TRMT11: variants seen among roughly 807,000 people sequenced by gnomAD.
TRMT11 encodes tRNA methyltransferase 11.
TRMT11 carries 53 observed loss-of-function variants against 62.8 expected under a neutral mutation model. That is an observed-to-expected ratio of 0.84 (90% CI 0.68 to 1.06). The LOEUF is 1.06. Ranked by LOEUF, TRMT11 falls within the 50% of genes least tolerant of loss-of-function variation. TRMT11 has a pLI of 0.00. For missense variants in TRMT11, 556 were observed against 553.4 expected (o/e 1.00, Z -0.05); for synonymous variants, 188 against 190.3 (o/e 0.99, Z 0.10).
intron 17 of TRMT11, among the ~76,000 whole-genome samples, chr6:126,084,243 C>T (rs1263494933): frequency 6.6e-6 from 1 of 152,134 alleles, no homozygotes; most frequent in African/African-American, 2.4e-5. Flanking sequence ...TCCAAACCCT[C>T]ACCAACATTT....
In TRMT11 at chr6:126,037,394, A is replaced by G. The variant is rs530577429; in HGVS notation, c.1261-1311A>G. ...AAATAACCAGCAAATGTTACCTTTC[A>G]TTTGGTATCTTTAGTTGTATACCTA... On this transcript the variant is annotated intron_variant, in intron 12 of 12. Transcript: ENST00000334379. 2.0e-5 allele frequency among the ~76,000 whole-genome samples: 3 copies of G among 152,172 alleles called. No homozygotes were observed. In the South Asian group the frequency reaches 6.2e-4, roughly 32 times the overall value.
rs1382828393 is a variant in TRMT11, at chr6:125,995,984, T to A, written c.156T>A (p.Leu52=). The change falls in exon 3 of 13, where the codon CTT becomes CTA. Residue 52 remains leucine, a synonymous_variant. Coordinates refer to ENST00000334379, the MANE Select transcript of TRMT11 (RefSeq NM_001031712.3). ...ETYGKSPFWI[L]SIPSEDIARN... ...TCTTTTAGTCACCATTTTGGATTCT[T>A]AGCATTCCCTCTGAAGATATTGCAA... is the stretch of plus-strand genomic sequence containing the variant. 1.2e-6 allele frequency: 2 copies of A among 1,610,968 alleles called. No individual in the cohort carries two copies. The highest frequency in any genetic ancestry group is 8.5e-7 in the Non-Finnish European group (1 of 1,177,166).
intron 1 of TRMT11, among the ~76,000 whole-genome samples, chr6:126,193,529 C>G (rs1778629777): frequency 8.1e-6 from 1 of 123,852 alleles, no homozygotes; most frequent in African/African-American, 3.4e-5. Flanking sequence ...CACAGTCTCA[C>G]TCTGTCACCC....
In TRMT11 at chr6:125,986,540, G is replaced by T; in HGVS notation, c.-11G>T. The T allele has an allele frequency of 1.3e-6, 2 of 1,582,436 alleles. No homozygotes were observed. Among genetic ancestry groups the T allele is most frequent in the East Asian group, 2.3e-5 (1 of 43,830 alleles). On this transcript the variant is annotated 5_prime_UTR_variant, in exon 1 of 13. Coordinates refer to ENST00000334379, the MANE Select transcript of TRMT11 (RefSeq NM_001031712.3). The stretch of plus-strand genomic sequence containing the variant: ...AGCGCGGGCCGCGCAGGCGCACGGT[G>T]GGCAGCTGCAATGGCGCTGTCGTGT...
intron 1 of TRMT11, among the ~76,000 whole-genome samples, chr6:126,180,446 A>G (rs779037787): frequency 5.9e-5 from 9 of 152,168 alleles, no homozygotes; most frequent in Non-Finnish European, 1.2e-4. Flanking sequence ...TTTAGCAAGG[A>G]TGTGTAGTTT....
At chr6:126,069,245 A>G (rs1776777677) in intron 17 of TRMT11, among the ~76,000 whole-genome samples, 2 of 152,230 alleles carry the variant, frequency 1.3e-5, no homozygotes, top group South Asian at 2.1e-4. Flanking sequence ...GCAGTAGACC[A>G]ATGGCTTTGG....
intron 5 of TRMT11, 40 bp downstream of exon 5, chr6:125,998,355 T>G (rs777931999): frequency 2.2e-6 from 3 of 1,385,306 alleles, no homozygotes; most frequent in Non-Finnish European, 3.0e-6. Context: ...ACATGATGAA[T>G]GCAGTCTGGC....
At chr6:126,065,186 A>G (rs967938448) in intron 17 of TRMT11, among the ~76,000 whole-genome samples, 1 of 152,246 alleles carries the variant, frequency 6.6e-6, no homozygotes, top group African/African-American at 2.4e-5. Flanking sequence ...TGTTAGGTAT[A>G]TAGTTCAACA....
chr6:126,059,237 G>A (rs1747013026), intron 17 of TRMT11, among the ~76,000 whole-genome samples: 1 of 151,868 alleles, frequency 6.6e-6, no homozygotes, highest in African/African-American at 2.4e-5. Context: ...CCAGGAGTTG[G>A]AACAAATAAC....
intron 17 of TRMT11, among the ~76,000 whole-genome samples, chr6:126,106,638 G>A (rs1375420332): frequency 6.6e-6 from 1 of 152,082 alleles, no homozygotes; most frequent in Non-Finnish European, 1.5e-5. Flanking sequence ...TGTGACCTTT[G>A]GTGGAATATT....
the TRMT11 span, among the ~76,000 whole-genome samples, chr6:126,260,788 G>T: frequency 6.6e-6 from 1 of 152,144 alleles, no homozygotes; most frequent in Non-Finnish European, 1.5e-5. Flanking sequence ...TAAGAAATCT[G>T]CTAATAGTCT....
intron 21 of TRMT11, among the ~76,000 whole-genome samples, chr6:126,124,598 T>G (rs995023570): frequency 7.2e-5 from 11 of 152,038 alleles, no homozygotes; most frequent in Non-Finnish European, 7.4e-5. Context: ...TCAAAAAGTG[T>G]GCATTTTTGT....
chr6:126,239,336 T>C, the TRMT11 span, among the ~76,000 whole-genome samples: 1 of 152,216 alleles, frequency 6.6e-6, no homozygotes, highest in South Asian at 2.1e-4. Context: ...GTTTTTGCAG[T>C]GGCTGGTACC....
At chr6:126,054,989 G>A (rs796069828) in intron 17 of TRMT11, among the ~76,000 whole-genome samples, 48 of 152,274 alleles carry the variant, frequency 3.2e-4, no homozygotes, top group African/African-American at 1.2e-3. Flanking sequence ...TTTTGAGACA[G>A]GGTCTGGCTC....
intron 1 of TRMT11, among the ~76,000 whole-genome samples, chr6:126,196,833 G>A (rs972974282): frequency 8.6e-5 from 13 of 151,960 alleles, no homozygotes; most frequent in African/African-American, 3.1e-4. Context: ...AATTTCCATT[G>A]TTAAATTCAA....
the TRMT11 span, among the ~76,000 whole-genome samples, chr6:126,257,610 T>C: frequency 6.6e-6 from 1 of 152,202 alleles, no homozygotes; most frequent in African/African-American, 2.4e-5. Context: ...AATTAAGCAG[T>C]GAAGTTATCA....
At chr6:126,109,011 A>C (rs1185566924) in intron 17 of TRMT11, among the ~76,000 whole-genome samples, 1 of 152,122 alleles carries the variant, frequency 6.6e-6, no homozygotes, top group Non-Finnish European at 1.5e-5. Flanking sequence ...TAATATCCTA[A>C]TTGTTAATGT....
intron 1 of TRMT11, among the ~76,000 whole-genome samples, chr6:126,194,395 C>T (rs1778640760): frequency 6.6e-6 from 1 of 152,168 alleles, no homozygotes; most frequent in Non-Finnish European, 1.5e-5. Context: ...TGATGGTACA[C>T]ACTACTGACC....
chr6:126,113,591 G>C (rs1777556008), intron 18 of TRMT11, among the ~76,000 whole-genome samples: 1 of 152,038 alleles, frequency 6.6e-6, no homozygotes, highest in Non-Finnish European at 1.5e-5. Flanking sequence ...ACTGAGCACT[G>C]ATTGTGTGTC....
Sources: gnomAD v4.1 joint callset for allele counts (sites outside exome capture counted in the v4.1 genomes callset) on GRCh38, gnomAD v4.1.1 for gene constraint, MANE v1.5 for transcripts, NCBI Gene and HGNC (gene_info 2026-07-23, HGNC 2026-07-21) for gene names.